ADARB1: variants seen among roughly 807,000 people sequenced by gnomAD.
ADARB1 encodes double-stranded RNA-specific editase 1.
Under a neutral mutation model 52.4 loss-of-function variants are expected in ADARB1, and 10 were observed. The observed-to-expected ratio is 0.19, with a 90% CI of 0.12 to 0.32. The LOEUF (loss-of-function observed/expected upper bound fraction) is 0.32, where lower values mean the gene tolerates loss of function less well. ADARB1 is among the 10% of genes least tolerant of loss of function. ADARB1 has a pLI of 1.00. For synonymous variants in ADARB1, 349 were observed against 371.1 expected (o/e 0.94, Z 0.68); for missense variants, 643 against 922.3 (o/e 0.70, Z 3.92).
rs1315430605 is a variant in ADARB1 at position 45,174,799 on chromosome 21, TTGTC to T, written c.29-927_29-924del. Among the ~76,000 whole-genome samples, 14 of 152,336 alleles carry T rather than the reference TTGTC, an allele frequency of 9.2e-5. No homozygotes were observed. The East Asian group carries it at 1.3e-3, about 15-fold the overall frequency. The stretch of plus-strand genomic sequence containing the variant: ...GCCATGTAATTTTACAATTCTAAAA[TTGTC>T]TGTATTAATTCAAAATCTGAAATAC... On this transcript the variant is annotated intron_variant, in intron 3 of 10. Transcript: ENST00000348831.
chr21:45,207,052 T>A (rs1601973658), intron 9 of ADARB1, among the ~76,000 whole-genome samples: 1 of 152,184 alleles, frequency 6.6e-6, no homozygotes, highest in East Asian at 1.9e-4. Context: ...GGGTTCTTCA[T>A]ACGCCCAGTG....
chr21:45,162,149 G>T (rs1213643845), intron 2 of ADARB1, among the ~76,000 whole-genome samples: 1 of 152,190 alleles, frequency 6.6e-6, no homozygotes, highest in African/African-American at 2.4e-5. Context: ...CCTTCAAGGA[G>T]CCCAGACCTA....
chr21:45,084,711 A>T (rs764767758), intron 1 of ADARB1, among the ~76,000 whole-genome samples: 6 of 152,200 alleles, frequency 3.9e-5, no homozygotes, highest in Non-Finnish European at 8.8e-5. Flanking sequence ...GGAGGTCTTT[A>T]ACATATATAT....
chr21:45,094,137 G>T (rs1202864239), intron 1 of ADARB1, among the ~76,000 whole-genome samples: 1 of 152,014 alleles, frequency 6.6e-6, no homozygotes. Context: ...AAAAAGTGAG[G>T]GTCTTTTGAG....
rs970375850 is a variant in ADARB1, at chr21:45,223,886, G to A, written c.*1689G>A. ...AGGGCTCATTGTTGGGGACATGACC[G>A]GGTTCAGCGGCTAGAACATCTGCCC... On this transcript the variant is annotated 3_prime_UTR_variant, in exon 11 of 11. Transcript: ENST00000348831. 3.6e-5 allele frequency: 35 copies of A among 985,398 alleles called. No homozygotes were observed. The highest frequency in any genetic ancestry group is 5.2e-4 in the Middle Eastern group (1 of 1,936). 61.0% of individuals were successfully genotyped at this position (985,398 alleles called of 1,614,324 possible). A position where few individuals can be genotyped will look rare whatever the true frequency, so the allele number is the denominator to read the frequency against.
rs2093035048 is a variant in ADARB1 at position 45,224,764 on chromosome 21, C to T, written c.*2567C>T. Reference sequence around the variant, plus strand: ...GGGGAGGAAGGTGACGTGCAGGGGACCAGAGGCTCTGCACTGCTCCTAGGA... The same window carrying T: ...GGGGAGGAAGGTGACGTGCAGGGGATCAGAGGCTCTGCACTGCTCCTAGGA... On this transcript the variant is annotated 3_prime_UTR_variant, in exon 11 of 11. Coordinates refer to ENST00000348831, the MANE Select transcript of ADARB1 (RefSeq NM_001112.4). 2 of 988,668 alleles carry T rather than the reference C, an allele frequency of 2.0e-6. No individual in the cohort carries two copies. The highest frequency in any genetic ancestry group is 1.1e-4 in the East Asian group (1 of 8,792). 61.2% of individuals were successfully genotyped at this position (988,668 alleles called of 1,614,324 possible). A position where few individuals can be genotyped will look rare whatever the true frequency, so the allele number is the denominator to read the frequency against.
At chr21:45,189,379 C>A (rs2092215840) in intron 8 of ADARB1, among the ~76,000 whole-genome samples, 1 of 152,174 alleles carries the variant, frequency 6.6e-6, no homozygotes, top group Non-Finnish European at 1.5e-5. Flanking sequence ...CACCCCTTCA[C>A]ACTTTGTTAT....
chr21:45,225,277 G>C lies in ADARB1; in HGVS notation c.*3080G>C. 8.6e-7 allele frequency: 1 copy of C among 1,160,888 alleles called. No homozygotes were observed. The highest frequency in any genetic ancestry group is 1.1e-6 in the Non-Finnish European group (1 of 943,172). 71.9% of individuals were successfully genotyped at this position (1,160,888 alleles called of 1,614,324 possible). The stretch of plus-strand genomic sequence containing the variant: ...CACCTTCCTCAGCTCTCATCACCTG[G>C]TCGTACGCCAGGCCCACCTCTTCCC... On this transcript the variant is annotated 3_prime_UTR_variant, in exon 11 of 11. Transcript: ENST00000348831.
rs1569123107 is a variant in ADARB1 at position 45,176,967 on chromosome 21, CCA to C, written c.963+304_963+305del. On this transcript the variant is annotated intron_variant, in intron 4 of 10. Transcript: ENST00000348831. The surrounding 1 kb of genome is among the most constrained non-coding windows in gnomAD (Gnocchi z 5.8). The stretch of plus-strand genomic sequence containing the variant: ...CTCCCTTCCCGTTAGGCAACCCCCC[CCA>C]TGACCCTCATCCCACAGCAAGCCTT... 3.2e-6 allele frequency: 1 copy of C among 313,456 alleles called. No individual in the cohort carries two copies. Among genetic ancestry groups the C allele is most frequent in the East Asian group, 6.0e-5 (1 of 16,554 alleles). 19.4% of individuals were successfully genotyped at this position (313,456 alleles called of 1,614,324 possible). A position where few individuals can be genotyped will look rare whatever the true frequency, so the allele number is the denominator to read the frequency against.
intron 1 of ADARB1, among the ~76,000 whole-genome samples, chr21:45,095,627 C>T (rs1247268204): frequency 6.6e-6 from 1 of 152,154 alleles, no homozygotes; most frequent in Admixed American, 6.5e-5. Flanking sequence ...TGCACGTTTC[C>T]TTCTCGGGCT....
At chr21:45,081,810 G>A (rs1265720626) in intron 1 of ADARB1, among the ~76,000 whole-genome samples, 1 of 152,188 alleles carries the variant, frequency 6.6e-6, no homozygotes. Context: ...CTGGCTAGAA[G>A]GATAGCCTGC....
At chr21:45,108,330 T>C (rs2087352406) in intron 1 of ADARB1, among the ~76,000 whole-genome samples, 1 of 152,188 alleles carries the variant, frequency 6.6e-6, no homozygotes, top group Non-Finnish European at 1.5e-5. Flanking sequence ...TTGATAGCTA[T>C]TTCTAATAAT....
chr21:45,118,009 G>C (rs1276226496), intron 1 of ADARB1, among the ~76,000 whole-genome samples: 1 of 152,196 alleles, frequency 6.6e-6, no homozygotes, highest in Non-Finnish European at 1.5e-5. Context: ...TAAAACATTT[G>C]TAGTGTTTCC....
Position 45,171,625 on chromosome 21 carries a change from G to A in ADARB1, c.-32G>A. 1.9e-6 allele frequency: 3 copies of A among 1,612,306 alleles called. No individual in the cohort carries two copies. Among genetic ancestry groups the A allele is most frequent in the Non-Finnish European group, 2.5e-6 (3 of 1,178,564 alleles). On this transcript the variant is annotated 5_prime_UTR_variant, in exon 3 of 11. Coordinates refer to ENST00000348831, the MANE Select transcript of ADARB1 (RefSeq NM_001112.4). ...TGTCTTTCAGACAGAAACAGTCTCC[G>A]CCAGTCAAGAAACCCTCAAAAGTAT...
chr21:45,087,100 C>T (rs1434495664), intron 1 of ADARB1, among the ~76,000 whole-genome samples: 1 of 152,174 alleles, frequency 6.6e-6, no homozygotes, highest in African/African-American at 2.4e-5. Flanking sequence ...TGTTTTCCCC[C>T]CACTTATCAG....
intron 2 of ADARB1, among the ~76,000 whole-genome samples, chr21:45,147,335 A>G (rs974679185): frequency 4.6e-5 from 7 of 152,192 alleles, no homozygotes; most frequent in Admixed American, 3.3e-4. Context: ...AAGAACATTT[A>G]TGTTTCCCTT....
chr21:45,193,579 A>G (rs1041259438), intron 8 of ADARB1, among the ~76,000 whole-genome samples: 7 of 152,240 alleles, frequency 4.6e-5, no homozygotes, highest in African/African-American at 1.7e-4. Context: ...TCCATATTGA[A>G]AAGGAAAAAG....
rs141302833 is a variant in ADARB1 at position 45,173,211 on chromosome 21, T to C, written c.28+1527T>C. 1.7e-4 allele frequency among the ~76,000 whole-genome samples: 26 copies of C among 152,366 alleles called. 1 individual carries two copies. The East Asian group carries it at 5.0e-3, about 29-fold the overall frequency. ...TTTCTGTGAAGAGAAGCCGATGTTG[T>C]AGTGCTAAAACGTGGACATTCTGGT... On this transcript the variant is annotated intron_variant, in intron 3 of 10. Coordinates refer to ENST00000348831, the MANE Select transcript of ADARB1 (RefSeq NM_001112.4).
intron 1 of ADARB1, among the ~76,000 whole-genome samples, chr21:45,104,473 A>C (rs1438131965): frequency 1.3e-5 from 2 of 152,196 alleles, no homozygotes; most frequent in Non-Finnish European, 2.9e-5. Flanking sequence ...AGTGGGGGTC[A>C]GGGCATGGAC....
Sources: allele counts gnomAD v4.1 joint callset (sites outside exome capture counted in the v4.1 genomes callset), GRCh38; gene constraint gnomAD v4.1.1; non-coding constraint Gnocchi (gnomAD v3.1); transcripts MANE v1.5; gene names NCBI Gene and HGNC (gene_info 2026-07-23, HGNC 2026-07-21).